Variants in GFRA1 observed in about 807,000 individuals in gnomAD.
The protein encoded by GFRA1 is GDNF family receptor alpha-1.
In GFRA1, 16 loss-of-function variants were observed where a neutral mutation model predicts 51.6. The observed-to-expected ratio is 0.31, with a 90% CI of 0.21 to 0.47. The LOEUF is 0.47. Ranked by LOEUF, GFRA1 falls within the 20% of genes least tolerant of loss-of-function variation. The probability of loss-of-function intolerance (pLI) is 1.00; values close to 1 mark genes in which losing one functional copy is unlikely to be tolerated. For missense variants in GFRA1, 530 were observed against 594.3 expected, an observed-to-expected ratio of 0.89 and a Z score of 1.13; for synonymous variants, 270 against 241.3, an observed-to-expected ratio of 1.12 and a Z score of -1.10.
chr10:116,260,642 G>A (rs989712866), intron 4 of GFRA1, among the ~76,000 whole-genome samples: 1 of 151,510 alleles, frequency 6.6e-6, no homozygotes, highest in South Asian at 2.1e-4. Context: ...AAAGAAAATG[G>A]TTAAAAGATT....
rs143689188 is a variant in GFRA1 at position 116,255,589 on chromosome 10, G to A, written c.418+13914C>T. The stretch of plus-strand genomic sequence containing the variant: ...ATATTCAGTATTAATTTTCTCTGCT[G>A]GCTGGGTACACGCCCTTTCCTTTTC... On this transcript the variant is annotated intron_variant, in intron 4 of 10. Coordinates refer to ENST00000355422, the MANE Select transcript of GFRA1 (RefSeq NM_005264.8). The A allele has an allele frequency of 2.7e-4, 347 of 1,287,816 alleles. 4 individuals carry two copies. The East Asian group carries it at 0.016, about 59-fold the overall frequency. 79.8% of individuals were successfully genotyped at this position (1,287,816 alleles called of 1,614,324 possible).
At chr10:116,184,179 A>G (rs1242445112) in intron 5 of GFRA1, among the ~76,000 whole-genome samples, 2 of 152,248 alleles carry the variant, frequency 1.3e-5, no homozygotes, top group African/African-American at 4.8e-5. Context: ...CACTGTAAAG[A>G]CTGACTCAGA....
intron 5 of GFRA1, among the ~76,000 whole-genome samples, chr10:116,151,357 T>G (rs1959057143): frequency 1.3e-5 from 2 of 152,118 alleles, no homozygotes; most frequent in Non-Finnish European, 2.9e-5. Flanking sequence ...GTTACTGAAT[T>G]GGTGACATGA....
intron 9 of GFRA1, among the ~76,000 whole-genome samples, chr10:116,088,111 G>C (rs1224999892): frequency 6.6e-6 from 1 of 152,100 alleles, no homozygotes; most frequent in Non-Finnish European, 1.5e-5. Context: ...GAAGGACAAA[G>C]GACAGAGACA....
At chr10:116,128,029 TCAGTGAGATAAGAACAAA>T (rs1216794132) in intron 5 of GFRA1, among the ~76,000 whole-genome samples, 3 of 152,142 alleles carry the variant, frequency 2.0e-5, no homozygotes, top group African/African-American at 7.2e-5. Flanking sequence ...AAGGAAGTGG[TCAGTGAGATAAGAACAAA>T]CAGTTCAAAT....
intron 6 of GFRA1, among the ~76,000 whole-genome samples, chr10:116,112,543 G>T (rs1158605437): frequency 6.6e-6 from 1 of 152,206 alleles, no homozygotes; most frequent in Non-Finnish European, 1.5e-5. Context: ...TACTTGGTAA[G>T]AGAAAAGCTC....
intron 4 of GFRA1, among the ~76,000 whole-genome samples, chr10:116,233,963 C>A (rs1966838467): frequency 6.6e-6 from 1 of 152,198 alleles, no homozygotes; most frequent in Admixed American, 6.5e-5. Flanking sequence ...CAGGCAGCTG[C>A]AAATCAATTC....
chr10:116,133,336 C>T (rs2134060047), intron 5 of GFRA1, among the ~76,000 whole-genome samples: 1 of 152,228 alleles, frequency 6.6e-6, no homozygotes, highest in East Asian at 1.9e-4. Flanking sequence ...TGGCTGTGAT[C>T]ACATCTGGTG....
intron 9 of GFRA1, among the ~76,000 whole-genome samples, chr10:116,081,541 T>C (rs954153831): frequency 2.6e-5 from 4 of 152,194 alleles, no homozygotes; most frequent in African/African-American, 7.2e-5. Context: ...CCCTTGCTCC[T>C]CTCCTGATCA....
chr10:116,097,388 G>A (rs189359093), intron 6 of GFRA1, among the ~76,000 whole-genome samples: 81 of 152,350 alleles, frequency 5.3e-4, no homozygotes, highest in Non-Finnish European at 1.1e-3. Flanking sequence ...CTCTAGGCGG[G>A]TGGGCCTGTG....
At chr10:116,065,520 C>T in intron 10 of GFRA1, 53 bp downstream of exon 10, 1 of 1,453,014 alleles carries the variant, frequency 6.9e-7, no homozygotes, top group Non-Finnish European at 9.7e-7. Flanking sequence ...CCCCAGGGGC[C>T]CAAAGGCTAT....
chr10:116,068,243 T>C (rs1180466480), intron 9 of GFRA1, among the ~76,000 whole-genome samples: 1 of 152,206 alleles, frequency 6.6e-6, no homozygotes, highest in African/African-American at 2.4e-5. Flanking sequence ...GCTTACATTG[T>C]GTGTTAACAA....
intron 6 of GFRA1, among the ~76,000 whole-genome samples, chr10:116,123,925 T>C (rs1391538777): frequency 6.6e-6 from 1 of 152,180 alleles, no homozygotes; most frequent in East Asian, 1.9e-4. Context: ...TTTGTTTGTT[T>C]TGAGACAGGG....
At chr10:116,186,185 C>T (rs1464400635) in intron 5 of GFRA1, among the ~76,000 whole-genome samples, 2 of 152,120 alleles carry the variant, frequency 1.3e-5, no homozygotes, top group African/African-American at 4.8e-5. Flanking sequence ...GGAGATGGCA[C>T]CAGGCTTCAC....
intron 4 of GFRA1, among the ~76,000 whole-genome samples, chr10:116,254,729 C>T (rs958988123): frequency 6.6e-6 from 1 of 152,146 alleles, no homozygotes; most frequent in Non-Finnish European, 1.5e-5. Context: ...TGGACGTCCA[C>T]GGACATCTTG....
chr10:116,146,075 C>T (rs1958787524), intron 5 of GFRA1, among the ~76,000 whole-genome samples: 1 of 151,886 alleles, frequency 6.6e-6, no homozygotes, highest in Non-Finnish European at 1.5e-5. Flanking sequence ...TATATATTCA[C>T]ATATTTATAT....
intron 9 of GFRA1, among the ~76,000 whole-genome samples, chr10:116,084,670 C>T (rs1015282371): frequency 6.6e-6 from 1 of 152,044 alleles, no homozygotes; most frequent in Non-Finnish European, 1.5e-5. Flanking sequence ...ATTAAGATGT[C>T]TTCACTGTAA....
At chr10:116,137,052 T>C (rs1408084534) in intron 5 of GFRA1, among the ~76,000 whole-genome samples, 1 of 152,224 alleles carries the variant, frequency 6.6e-6, no homozygotes, top group Non-Finnish European at 1.5e-5. Context: ...CATTTGAATG[T>C]ATGTGTTCTT....
At chr10:116,181,160 G>C (rs1412580270) in intron 5 of GFRA1, among the ~76,000 whole-genome samples, 1 of 152,190 alleles carries the variant, frequency 6.6e-6, no homozygotes, top group Non-Finnish European at 1.5e-5. Flanking sequence ...GGTATAATAA[G>C]GTGCTTGTGA....
Sources: allele counts gnomAD v4.1 joint callset (sites outside exome capture counted in the v4.1 genomes callset), GRCh38; gene constraint gnomAD v4.1.1; transcripts MANE v1.5; gene names NCBI Gene and HGNC (gene_info 2026-07-23, HGNC 2026-07-21).